The following DLGAP2 variants were observed in gnomAD, a reference collection of about 807,000 sequenced individuals.
DLGAP2 encodes the protein disks large-associated protein 2.
DLGAP2 carries 26 observed loss-of-function variants against 100.3 expected under a neutral mutation model. The ratio of observed to expected loss-of-function variants is 0.26; its 90% CI spans 0.19 to 0.36. The LOEUF (loss-of-function observed/expected upper bound fraction) is 0.36, where lower values mean the gene tolerates loss of function less well. Ranked by LOEUF, DLGAP2 falls within the 10% of genes least tolerant of loss-of-function variation. DLGAP2 has a pLI of 1.00. For missense variants in DLGAP2, 1,858 were observed against 1,453.2 expected, an observed-to-expected ratio of 1.28 and a Z score of -4.53; for synonymous variants, 886 against 630.1, an observed-to-expected ratio of 1.41 and a Z score of -6.08.
At chr8:1,686,485 T>A (rs2130868723) in intron 12 of DLGAP2, among the ~76,000 whole-genome samples, 1 of 152,220 alleles carries the variant, frequency 6.6e-6, no homozygotes, top group Non-Finnish European at 1.5e-5. Context: ...CTGGCCAACA[T>A]GGTGAAACCC....
chr8:1,689,864 C>A (rs964969598), intron 12 of DLGAP2, among the ~76,000 whole-genome samples: 11 of 152,222 alleles, frequency 7.2e-5, no homozygotes, highest in African/African-American at 2.2e-4. Context: ...AAGCCACATA[C>A]GTGTACTGGG....
chr8:1,145,883 G>A (rs909184319), intron 2 of DLGAP2, among the ~76,000 whole-genome samples: 55 of 150,258 alleles, frequency 3.7e-4, no homozygotes, highest in African/African-American at 9.8e-4. Context: ...TTGTTCTTGC[G>A]ATAGTTTACT....
chr8:1,587,066 C>T (rs1043352049), intron 6 of DLGAP2, among the ~76,000 whole-genome samples: 18 of 152,224 alleles, frequency 1.2e-4, no homozygotes, highest in Non-Finnish European at 8.8e-5. Flanking sequence ...CCCACAGACA[C>T]TGGCTTATTG....
chr8:964,658 C>T (rs761692768), intron 2 of DLGAP2, among the ~76,000 whole-genome samples: 1 of 152,248 alleles, frequency 6.6e-6, no homozygotes, highest in Non-Finnish European at 1.5e-5. Flanking sequence ...TCACCAAGGC[C>T]TGGTCCTTCT....
chr8:812,046 G>A (rs1441826945), intron 1 of DLGAP2, among the ~76,000 whole-genome samples: 2 of 152,238 alleles, frequency 1.3e-5, no homozygotes, highest in East Asian at 1.9e-4. Flanking sequence ...TACTGGTCGA[G>A]GTTCTCCAGA....
intron 3 of DLGAP2, among the ~76,000 whole-genome samples, chr8:1,425,623 ATGG>A (rs1295506064): frequency 6.6e-6 from 1 of 152,188 alleles, no homozygotes; most frequent in Admixed American, 6.5e-5. Context: ...CATGATCCAC[ATGG>A]TCTTCCACAA....
At chr8:1,455,456 T>C (rs1255495923) in intron 3 of DLGAP2, among the ~76,000 whole-genome samples, 3 of 152,034 alleles carry the variant, frequency 2.0e-5, no homozygotes, top group Non-Finnish European at 2.9e-5. Context: ...GAAAGGAAGA[T>C]GTCAACATTC....
chr8:1,160,437 A>G (rs975554169), intron 2 of DLGAP2, among the ~76,000 whole-genome samples: 7 of 152,116 alleles, frequency 4.6e-5, no homozygotes, highest in African/African-American at 1.7e-4. Context: ...ACGTGTGCAT[A>G]ATTTTCTCTA....
At chr8:1,379,084 C>A (rs951628607) in intron 3 of DLGAP2, among the ~76,000 whole-genome samples, 1 of 152,276 alleles carries the variant, frequency 6.6e-6, no homozygotes, top group Non-Finnish European at 1.5e-5. Flanking sequence ...TAGTTAGCTT[C>A]TATGGCTACA....
At chr8:1,162,312 CAT>C (rs752888125) in intron 2 of DLGAP2, among the ~76,000 whole-genome samples, 1 of 152,218 alleles carries the variant, frequency 6.6e-6, no homozygotes, top group East Asian at 1.9e-4. Flanking sequence ...GACTCCATTA[CAT>C]GTTTGTTTCT....
chr8:782,010 C>T (rs1821701970), intron 1 of DLGAP2, among the ~76,000 whole-genome samples: 1 of 151,992 alleles, frequency 6.6e-6, no homozygotes, highest in Non-Finnish European at 1.5e-5. Flanking sequence ...GTTCAATCAA[C>T]CAGCAGGATG....
chr8:1,225,434 A>G (rs186484344), intron 2 of DLGAP2, among the ~76,000 whole-genome samples: 5 of 152,346 alleles, frequency 3.3e-5, no homozygotes, highest in Non-Finnish European at 1.5e-5. Flanking sequence ...AGAGAGGAGA[A>G]TGGGGAACGG....
At position 1,311,602 on chromosome 8, in the gene DLGAP2, G is replaced by T. The variant is rs1800615747; in HGVS notation, c.106+52719G>T. Among the ~76,000 whole-genome samples, 3 of 152,086 alleles carry T rather than the reference G, an allele frequency of 2.0e-5. No homozygotes were observed. In the South Asian group the frequency reaches 6.2e-4, roughly 32 times the overall value. On this transcript the variant is annotated intron_variant, in intron 3 of 14. Coordinates refer to ENST00000637795, the MANE Select transcript of DLGAP2 (RefSeq NM_001346810.2). ...TGTCATCAGGTGGGATTTATTCCAG[G>T]AATGTAAAAGTGGTTCAGTTTAAGA...
intron 8 of DLGAP2, among the ~76,000 whole-genome samples, chr8:1,637,060 C>A (rs1267559444): frequency 6.6e-6 from 1 of 152,206 alleles, no homozygotes; most frequent in African/African-American, 2.4e-5. Context: ...CGTCTGGCCG[C>A]CGGCTGGCTC....
At chr8:792,255 A>G (rs1321118468) in intron 1 of DLGAP2, among the ~76,000 whole-genome samples, 3 of 152,176 alleles carry the variant, frequency 2.0e-5, no homozygotes, top group Non-Finnish European at 4.4e-5. Context: ...AAATCGTGGC[A>G]TTGTATTATT....
At chr8:791,210 C>T (rs576315648) in intron 1 of DLGAP2, among the ~76,000 whole-genome samples, 1 of 152,224 alleles carries the variant, frequency 6.6e-6, no homozygotes, top group Admixed American at 6.5e-5. Context: ...AGCCCTAATC[C>T]TGCCACAGAT....
chr8:851,287 G>A (rs138559295), intron 1 of DLGAP2, among the ~76,000 whole-genome samples: 1 of 152,328 alleles, frequency 6.6e-6, no homozygotes, highest in Non-Finnish European at 1.5e-5. Context: ...ACAGTCTGAT[G>A]TTCGCACCCT....
At chr8:1,096,170 G>A (rs1804359558) in intron 2 of DLGAP2, among the ~76,000 whole-genome samples, 1 of 152,176 alleles carries the variant, frequency 6.6e-6, no homozygotes, top group South Asian at 2.1e-4. Context: ...TTTTCATGCT[G>A]TTCACCATGG....
intron 3 of DLGAP2, among the ~76,000 whole-genome samples, chr8:1,372,330 C>A (rs1200976149): frequency 1.3e-5 from 2 of 152,140 alleles, no homozygotes; most frequent in Non-Finnish European, 2.9e-5. Context: ...GCTGCCAACA[C>A]TAGGACACTG....
Sources: gnomAD v4.1 joint callset for allele counts (sites outside exome capture counted in the v4.1 genomes callset) on GRCh38, gnomAD v4.1.1 for gene constraint, MANE v1.5 for transcripts, NCBI Gene and HGNC (gene_info 2026-07-23, HGNC 2026-07-21) for gene names.